Variants in CNGB1 observed in about 807,000 individuals in gnomAD.
CNGB1 encodes cyclic nucleotide gated channel subunit beta 1.
Under a neutral mutation model 151.7 loss-of-function variants are expected in CNGB1, and 126 were observed. The ratio of observed to expected loss-of-function variants is 0.83; its 90% CI spans 0.72 to 0.96. The LOEUF is 0.96. Ranked by LOEUF, CNGB1 falls within the 40% of genes least tolerant of loss-of-function variation. The pLI is 0.00. For missense variants in CNGB1, 1,698 were observed against 1,627.0 expected (o/e 1.04, Z -0.75); for synonymous variants, 623 against 635.1 (o/e 0.98, Z 0.29).
chr16:57,927,268 C>T (rs1453106688), intron 17 of CNGB1, among the ~76,000 whole-genome samples: 3 of 152,222 alleles, frequency 2.0e-5, no homozygotes, highest in Non-Finnish European at 4.4e-5. Flanking sequence ...GGATTCACTC[C>T]AAGCCATGGC....
intron 17 of CNGB1, among the ~76,000 whole-genome samples, chr16:57,929,122 A>T (rs530700608): frequency 6.6e-6 from 1 of 152,354 alleles, no homozygotes; most frequent in Non-Finnish European, 1.5e-5. Context: ...TAAATAAAAG[A>T]AACTCCTACA....
At chr16:57,969,532 C>A (rs1962487481) in intron 1 of CNGB1, among the ~76,000 whole-genome samples, 1 of 152,048 alleles carries the variant, frequency 6.6e-6, no homozygotes, top group Admixed American at 6.6e-5. Context: ...GCACGAGAAT[C>A]ACTGGAGCCC....
chr16:57,924,217 C>T (rs1348518970), intron 17 of CNGB1, among the ~76,000 whole-genome samples: 7 of 152,138 alleles, frequency 4.6e-5, no homozygotes, highest in African/African-American at 1.7e-4. Flanking sequence ...TTCCCACCCT[C>T]TGTCCCAGCA....
intron 23 of CNGB1, 133 bp from the exon 24 acceptor site, chr16:57,913,127 C>A: frequency 1.3e-6 from 1 of 756,616 alleles, no homozygotes. Context: ...CATTCAATAT[C>A]AGAAGTCCTC....
Position 57,920,550 on chromosome 16 carries a change from G to C in CNGB1, c.1644-6C>G. The C allele has an allele frequency of 6.2e-7, 1 of 1,611,642 alleles. No individual in the cohort carries two copies. On this transcript the variant is annotated splice_region_variant and splice_polypyrimidine_tract_variant and intron_variant, in intron 18 of 32. Transcript: ENST00000251102. ...AGGCCGCACGGTCCTGGCCACTGTG[G>C]GAACATCACCCAAAGCTGAGCAGGC...
Position 57,967,202 on chromosome 16 carries a change from GT to G in CNGB1, c.84del (p.Glu28AspfsTer68). The G allele has an allele frequency of 1.2e-6, 2 of 1,614,120 alleles. No individual in the cohort carries two copies. The highest frequency in any genetic ancestry group is 1.7e-6 in the Non-Finnish European group (2 of 1,180,028). On this transcript the variant is annotated frameshift_variant, in exon 2 of 33. Transcript: ENST00000251102. LOFTEE classifies it high-confidence loss of function. Reference sequence around the variant, plus strand: ...ACCTCCGCCTCCATCTCTGGCTCTGGTTCCACTTCCTCTTCCTCCTGCATCT... The same window carrying G: ...ACCTCCGCCTCCATCTCTGGCTCTGGTCCACTTCCTCTTCCTCCTGCATCT... ...KTKMQEEEEV[E>X]PEPEMEAEVE...
Position 57,899,510 on chromosome 16 carries a change from T to C in CNGB1, c.2977-1596A>G, listed in dbSNP as rs559998801. On this transcript the variant is annotated intron_variant, in intron 29 of 32. Coordinates refer to ENST00000251102, the MANE Select transcript of CNGB1 (RefSeq NM_001297.5). ...AAAAAATGAGCCGGGCATGGTGGCATATGCCTGTAATCCCAGCTACTTGGG... is the reference window on the plus strand; with the variant it reads ...AAAAAATGAGCCGGGCATGGTGGCACATGCCTGTAATCCCAGCTACTTGGG... 3.3e-5 allele frequency among the ~76,000 whole-genome samples: 5 copies of C among 152,056 alleles called. No individual in the cohort carries two copies. In the East Asian group the frequency reaches 7.7e-4, roughly 23 times the overall value.
intron 29 of CNGB1, 71 bp from the exon 30 acceptor site, chr16:57,897,985 C>A: frequency 1.3e-6 from 2 of 1,534,274 alleles, no homozygotes; most frequent in Non-Finnish European, 1.8e-6. Flanking sequence ...AGGGCTGGAT[C>A]CAGAGGCTGG....
rs1064794573 is a variant in CNGB1 at position 57,904,860 on chromosome 16, G to T, written c.2508C>A (p.Tyr836Ter). 1.6e-5 allele frequency: 26 copies of T among 1,614,060 alleles called. No homozygotes were observed. Among genetic ancestry groups the T allele is most frequent in the Non-Finnish European group, 2.2e-5 (26 of 1,180,030 alleles). Reference sequence around the variant, plus strand: ...TGATGAGGGTCTTCACAGCAAAGTAGTAACAGCGAATATAACTGGAGAGAG... The same window carrying T: ...TGATGAGGGTCTTCACAGCAAAGTATTAACAGCGAATATAACTGGAGAGAG... Reference protein sequence around the residue: ...DGVGNSYIRCYYFAVKTLITI... With the variant: ...DGVGNSYIRC The change falls in exon 26 of 33, where the codon TAC becomes TAA. Residue 836 changes from tyrosine (Y) to a stop codon, truncating the protein, a stop_gained. Transcript: ENST00000251102. LOFTEE classifies it high-confidence loss of function.
At chr16:57,955,437 T>A in intron 12 of CNGB1, 1 of 1,260,082 alleles carries the variant, frequency 7.9e-7, no homozygotes, top group Non-Finnish European at 1.1e-6. Context: ...AGTGAGTGAG[T>A]GAGTGGATGA....
intron 31 of CNGB1, among the ~76,000 whole-genome samples, chr16:57,889,406 G>A (rs1960025625): frequency 2.0e-5 from 3 of 152,128 alleles, no homozygotes; most frequent in African/African-American, 7.2e-5. Flanking sequence ...GGGAGCTGGG[G>A]CCCCAGTCCT....
intron 25 of CNGB1, among the ~76,000 whole-genome samples, chr16:57,906,115 C>A (rs1960543561): frequency 1.3e-5 from 2 of 152,180 alleles, no homozygotes; most frequent in Non-Finnish European, 2.9e-5. Flanking sequence ...TATGCAGTGT[C>A]CTAGATAGAA....
rs1960384039 is a variant in CNGB1, at chr16:57,901,425, C to T, written c.2903G>A (p.Arg968Gln). 8 of 1,614,150 alleles carry T rather than the reference C, an allele frequency of 5.0e-6. No individual in the cohort carries two copies. The highest frequency in any genetic ancestry group is 4.5e-5 in the East Asian group (2 of 44,884). The change falls in exon 29 of 33, where the codon CGG (arginine) becomes CAG (glutamine). Residue 968 changes from arginine to glutamine, a missense_variant. Coordinates refer to ENST00000251102, the MANE Select transcript of CNGB1 (RefSeq NM_001297.5). ...SKVALFQGCD[R>Q]QMIFDMLKRL... ...CTTCAGCATGTCAAAGATCATCTGCCGGTCACAGCCCTGTCCCGGTGAGGA... is the reference window on the plus strand; with the variant it reads ...CTTCAGCATGTCAAAGATCATCTGCTGGTCACAGCCCTGTCCCGGTGAGGA...
At chr16:57,954,789 T>C in intron 12 of CNGB1, 1 of 989,344 alleles carries the variant, frequency 1.0e-6, no homozygotes, top group Non-Finnish European at 1.2e-6. Flanking sequence ...GAACCTCTTC[T>C]GGGAAAAACT....
chr16:57,904,983 A>G, intron 25 of CNGB1, 108 bp from the exon 26 acceptor site: 8 of 1,428,420 alleles, frequency 5.6e-6, no homozygotes, highest in Non-Finnish European at 7.9e-6. Flanking sequence ...CAAAAGACAG[A>G]AACCCTTTAC....
At chr16:57,949,137 G>A (rs553159896) in intron 14 of CNGB1, among the ~76,000 whole-genome samples, 1 of 152,038 alleles carries the variant, frequency 6.6e-6, no homozygotes, top group Admixed American at 6.5e-5. Context: ...TGTGTGTGGG[G>A]GGGGATGTGG....
intron 2 of CNGB1, among the ~76,000 whole-genome samples, chr16:57,965,943 T>A (rs1245233422): frequency 6.6e-6 from 1 of 152,208 alleles, no homozygotes; most frequent in African/African-American, 2.4e-5. Flanking sequence ...TATATGTACA[T>A]ATACGTGTAT....
intron 29 of CNGB1, 130 bp downstream of exon 29, chr16:57,901,222 G>A (rs532322914): frequency 2.1e-4 from 192 of 924,224 alleles, no homozygotes; most frequent in South Asian, 1.0e-3. Context: ...GCATGAAGCC[G>A]CAGACGCTCT....
chr16:57,949,382 CT>C lies in CNGB1; in HGVS notation c.1091del (p.Glu364GlyfsTer9). Reference protein sequence around the residue: ...KEDEEEEEEEEEEEEEEEVTE... With the variant: ...KEDEEEEEEEXEEEEEEEVTE... The stretch of plus-strand genomic sequence containing the variant: ...TCACCTCCTCCTCTTCCTCCTCCTC[CT>C]CCTCTTCCTCTTCCTCCTCCTCATC... On this transcript the variant is annotated frameshift_variant, in exon 14 of 33. Coordinates refer to ENST00000251102, the MANE Select transcript of CNGB1 (RefSeq NM_001297.5). LOFTEE classifies it high-confidence loss of function. 2 of 1,613,082 alleles carry C rather than the reference CT, an allele frequency of 1.2e-6. No homozygotes were observed. Among genetic ancestry groups the C allele is most frequent in the Non-Finnish European group, 1.7e-6 (2 of 1,179,982 alleles).
Sources: allele counts gnomAD v4.1 joint callset (sites outside exome capture counted in the v4.1 genomes callset), GRCh38; gene constraint gnomAD v4.1.1; transcripts MANE v1.5; gene names NCBI Gene and HGNC (gene_info 2026-07-23, HGNC 2026-07-21).